Variants in CTNNA3 observed in about 807,000 individuals in gnomAD.
CTNNA3 encodes catenin alpha-3.
In CTNNA3, 76 loss-of-function variants were observed where a neutral mutation model predicts 95.7. The ratio of observed to expected loss-of-function variants is 0.79; its 90% CI spans 0.66 to 0.96. The LOEUF is 0.96. Ranked by LOEUF, CTNNA3 falls within the 40% of genes least tolerant of loss-of-function variation. CTNNA3 has a pLI of 0.00. For missense variants in CTNNA3, 1,191 were observed against 1,089.8 expected (o/e 1.09, Z -1.31); for synonymous variants, 431 against 374.4 (o/e 1.15, Z -1.74).
intron 7 of CTNNA3, among the ~76,000 whole-genome samples, chr10:67,063,318 C>A (rs1439428834): frequency 6.6e-6 from 1 of 152,102 alleles, no homozygotes; most frequent in Non-Finnish European, 1.5e-5. Context: ...TTTTGGGGAA[C>A]AACATAGCCT....
At chr10:66,084,542 T>C (rs2080905355) in intron 14 of CTNNA3, among the ~76,000 whole-genome samples, 2 of 152,194 alleles carry the variant, frequency 1.3e-5, no homozygotes, top group Non-Finnish European at 2.9e-5. Flanking sequence ...AAAATAGATG[T>C]TTACTAAATA....
chr10:67,741,305 A>T (rs1841336653), intron 1 of CTNNA3, among the ~76,000 whole-genome samples: 1 of 149,660 alleles, frequency 6.7e-6, no homozygotes, highest in African/African-American at 2.4e-5. Context: ...AACTTAAAGT[A>T]TAATAATAAA....
intron 9 of CTNNA3, among the ~76,000 whole-genome samples, chr10:66,708,734 T>C (rs1848199069): frequency 6.6e-6 from 1 of 152,072 alleles, no homozygotes; most frequent in Non-Finnish European, 1.5e-5. Flanking sequence ...GACCTCAAAG[T>C]TGATCATGTC....
chr10:67,687,219 G>A (rs537015563), intron 1 of CTNNA3, among the ~76,000 whole-genome samples: 1 of 152,300 alleles, frequency 6.6e-6, no homozygotes, highest in Admixed American at 6.5e-5. Flanking sequence ...CCGGGGCTCA[G>A]TGAGGGTGAT....
Position 65,936,612 on chromosome 10 carries a change from T to G in CTNNA3, c.2401-15995A>C, listed in dbSNP as rs565154283. ...CCTTTTGGAAATTTACACTTAGATG[T>G]GCTATAAGGATCTCAAATGCAAGCC... On this transcript the variant is annotated intron_variant, in intron 17 of 17. Coordinates refer to ENST00000433211, the MANE Select transcript of CTNNA3 (RefSeq NM_013266.4). Among the ~76,000 whole-genome samples, 5 of 152,230 alleles carry G rather than the reference T, an allele frequency of 3.3e-5. No individual in the cohort carries two copies. The East Asian group carries it at 9.7e-4, about 29-fold the overall frequency.
chr10:67,716,555 A>C (rs1841144556), intron 1 of CTNNA3, among the ~76,000 whole-genome samples: 1 of 152,042 alleles, frequency 6.6e-6, no homozygotes, highest in Non-Finnish European at 1.5e-5. Context: ...CCTACTTATG[A>C]GTGAGAACAT....
intron 9 of CTNNA3, among the ~76,000 whole-genome samples, chr10:66,635,887 T>C (rs1187056835): frequency 1.3e-5 from 2 of 152,034 alleles, no homozygotes; most frequent in African/African-American, 2.4e-5. Context: ...TTGAAGGAAA[T>C]AGGCAAAGAA....
At chr10:66,644,120 T>C (rs748979939) in intron 9 of CTNNA3, among the ~76,000 whole-genome samples, 54 of 151,746 alleles carry the variant, frequency 3.6e-4, no homozygotes, top group Non-Finnish European at 6.3e-4. Flanking sequence ...TAGCCAGGCA[T>C]GGTGGCACAT....
intron 17 of CTNNA3, among the ~76,000 whole-genome samples, chr10:65,927,627 A>G (rs970082037): frequency 6.6e-6 from 1 of 152,224 alleles, no homozygotes; most frequent in African/African-American, 2.4e-5. Context: ...TGCATGTACC[A>G]GTAGTTTATT....
At chr10:66,095,269 GA>G in intron 14 of CTNNA3, among the ~76,000 whole-genome samples, 1 of 152,052 alleles carries the variant, frequency 6.6e-6, no homozygotes, top group Admixed American at 6.6e-5. Flanking sequence ...ATAGATAGAG[GA>G]AAAGGAAACC....
chr10:66,956,888 A>G lies in CTNNA3; in HGVS notation c.1048-181364T>C, dbSNP rs1298980889. On this transcript the variant is annotated intron_variant, in intron 7 of 17. Coordinates refer to ENST00000433211, the MANE Select transcript of CTNNA3 (RefSeq NM_013266.4). ...AAGGGCCTCATCCTCCTACGGGACA[A>G]AAAGAGTTTAGAAGCTTTTTGGGGA... 2.6e-5 allele frequency among the ~76,000 whole-genome samples: 4 copies of G among 152,204 alleles called. No homozygotes were observed. The East Asian group carries it at 5.8e-4, about 22-fold the overall frequency.
At chr10:66,637,612 G>A (rs1313121132) in intron 9 of CTNNA3, among the ~76,000 whole-genome samples, 2 of 152,204 alleles carry the variant, frequency 1.3e-5, no homozygotes, top group Non-Finnish European at 2.9e-5. Flanking sequence ...AGTGTATGCC[G>A]TTTTGTTCCA....
At chr10:65,980,184 C>T (rs536891686) in intron 16 of CTNNA3, among the ~76,000 whole-genome samples, 64 of 151,830 alleles carry the variant, frequency 4.2e-4, no homozygotes, top group Admixed American at 1.7e-3. Flanking sequence ...TTATTCAAGG[C>T]TACTATGAAC....
At chr10:67,294,167 G>T (rs1222282367) in intron 5 of CTNNA3, among the ~76,000 whole-genome samples, 1 of 152,102 alleles carries the variant, frequency 6.6e-6, no homozygotes, top group African/African-American at 2.4e-5. Flanking sequence ...CGCTTTTTGA[G>T]TGTTCGCACA....
intron 11 of CTNNA3, among the ~76,000 whole-genome samples, chr10:66,439,054 C>T (rs533500856): frequency 1.1e-4 from 16 of 152,180 alleles, no homozygotes. Context: ...TGAGATGAGT[C>T]AGGTACCTCA....
At position 66,846,467 on chromosome 10, in the gene CTNNA3, CCACACA is replaced by C. The variant is rs34923400; in HGVS notation, c.1048-70949_1048-70944del. On this transcript the variant is annotated intron_variant, in intron 7 of 17. Coordinates refer to ENST00000433211, the MANE Select transcript of CTNNA3 (RefSeq NM_013266.4). ...AGAGAACAGATTGTAAATGTTCTCA[CCACACA>C]CACACACACACACACACACACACAA... Among the ~76,000 whole-genome samples, 445 of 147,672 alleles carry C rather than the reference CCACACA, an allele frequency of 3.0e-3. 4 individuals are homozygous for C. The highest frequency in any genetic ancestry group is 9.4e-3 in the African/African-American group (381 of 40,418).
At chr10:67,627,913 T>C (rs1408004568) in intron 2 of CTNNA3, among the ~76,000 whole-genome samples, 6 of 151,692 alleles carry the variant, frequency 4.0e-5, no homozygotes, top group Non-Finnish European at 1.5e-5. Context: ...GGAAGTAAAA[T>C]GTTATAAGGT....
intron 13 of CTNNA3, among the ~76,000 whole-genome samples, chr10:66,213,772 A>G (rs1392490557): frequency 1.3e-5 from 2 of 152,146 alleles, no homozygotes; most frequent in African/African-American, 4.8e-5. Context: ...TAAATTCTCA[A>G]TTCACATTAA....
intron 9 of CTNNA3, among the ~76,000 whole-genome samples, chr10:66,759,418 A>G (rs114234371): frequency 0.011 from 1,636 of 152,272 alleles, 40 homozygotes; most frequent in African/African-American, 0.038. Context: ...TTCATACTTT[A>G]CTCAATAAAT....
Sources: gnomAD v4.1 joint callset for allele counts (sites outside exome capture counted in the v4.1 genomes callset) on GRCh38, gnomAD v4.1.1 for gene constraint, MANE v1.5 for transcripts, NCBI Gene and HGNC (gene_info 2026-07-23, HGNC 2026-07-21) for gene names.